The following SPHKAP variants were observed in gnomAD, a reference collection of about 807,000 sequenced individuals.
SPHKAP encodes the protein A-kinase anchor protein SPHKAP.
In SPHKAP, 67 loss-of-function variants were observed where a neutral mutation model predicts 137.5. The ratio of observed to expected loss-of-function variants is 0.49; its 90% confidence interval spans 0.40 to 0.60. The LOEUF (loss-of-function observed/expected upper bound fraction) is 0.60. Among genes scored for constraint, SPHKAP ranks in the 20% least tolerant of loss-of-function variants. SPHKAP has a pLI of 0.00. For synonymous variants in SPHKAP, 813 were observed against 785.3 expected, an observed-to-expected ratio of 1.04 and a Z score of -0.59; for missense variants, 2,097 against 2,069.3, an observed-to-expected ratio of 1.01 and a Z score of -0.26.
At chr2:228,115,550 T>C (rs1288372257) in intron 2 of SPHKAP, among the ~76,000 whole-genome samples, 1 of 152,168 alleles carries the variant, frequency 6.6e-6, no homozygotes, top group Non-Finnish European at 1.5e-5. Flanking sequence ...TTAGCAATTA[T>C]TTAAGTTCTT....
At chr2:228,177,798 A>G (rs573238870) in intron 1 of SPHKAP, among the ~76,000 whole-genome samples, 31 of 152,330 alleles carry the variant, frequency 2.0e-4, no homozygotes, top group African/African-American at 7.5e-4. Context: ...GGAAGCCTAT[A>G]TACATTATTA....
chr2:228,058,353 C>G (rs1696518565), intron 3 of SPHKAP, among the ~76,000 whole-genome samples: 1 of 152,218 alleles, frequency 6.6e-6, no homozygotes, highest in African/African-American at 2.4e-5. Context: ...CCCTCAGGCT[C>G]ATTATGCCAT....
At chr2:228,047,028 C>T (rs981530371) in intron 3 of SPHKAP, among the ~76,000 whole-genome samples, 1 of 152,152 alleles carries the variant, frequency 6.6e-6, no homozygotes, top group African/African-American at 2.4e-5. Flanking sequence ...TTTTAAATTT[C>T]AGTATCAGTA....
At position 228,108,866 on chromosome 2, in the gene SPHKAP, C is replaced by A. The variant is rs200781847; in HGVS notation, c.212G>T (p.Gly71Val). 3 of 1,610,436 alleles carry A rather than the reference C, an allele frequency of 1.9e-6. No individual in the cohort carries two copies. The highest frequency in any genetic ancestry group is 1.7e-5 in the Admixed American group (1 of 58,654). Residue 71 changes from glycine to valine, a missense_variant, in exon 3 of 12, where the codon GGT (glycine) becomes GTT (valine). Gly to Val is a moderately radical substitution (Grantham distance 109). Transcript: ENST00000392056. ...LQNQRMPCQI[G>V]FVEDKSENCA... is the part of the protein sequence containing the mutation. ...GTTTTCAGACTTGTCTTCTACAAAA[C>A]CAATTTGGCAGGGCATCCTCTGATT...
intron 7 of SPHKAP, among the ~76,000 whole-genome samples, chr2:228,015,921 A>G (rs1694566993): frequency 6.6e-6 from 1 of 152,354 alleles, no homozygotes; most frequent in South Asian, 2.1e-4. Context: ...GACTGTTTTC[A>G]AATGAATAAG....
At chr2:228,080,889 TG>T (rs1245299452) in intron 3 of SPHKAP, among the ~76,000 whole-genome samples, 33 of 152,288 alleles carry the variant, frequency 2.2e-4, no homozygotes, top group East Asian at 1.2e-3. Flanking sequence ...TTAGAACCCT[TG>T]TACACAGTTG....
chr2:228,108,961 C>A (rs775918364), intron 2 of SPHKAP, 22 bp from the exon 3 acceptor site: 1 of 1,512,758 alleles, frequency 6.6e-7, no homozygotes, highest in Non-Finnish European at 8.9e-7. Context: ...CAGAAAAACT[C>A]AGTTCTTATT....
At chr2:228,058,765 G>T (rs1696535961) in intron 3 of SPHKAP, among the ~76,000 whole-genome samples, 1 of 152,136 alleles carries the variant, frequency 6.6e-6, no homozygotes, top group South Asian at 2.1e-4. Context: ...TTCCCAAATA[G>T]AAGAATCTGC....
At chr2:228,123,932 C>T (rs1278879675) in intron 2 of SPHKAP, among the ~76,000 whole-genome samples, 7 of 152,102 alleles carry the variant, frequency 4.6e-5, no homozygotes, top group African/African-American at 1.7e-4. Flanking sequence ...AGGATATGAA[C>T]AAACACTTCT....
intron 7 of SPHKAP, among the ~76,000 whole-genome samples, chr2:228,004,923 A>C (rs563723797): frequency 6.6e-6 from 1 of 152,292 alleles, no homozygotes; most frequent in Non-Finnish European, 1.5e-5. Context: ...TCTGAGAGAC[A>C]GTTTGTTATA....
At chr2:228,075,427 T>C (rs1460349262) in intron 3 of SPHKAP, among the ~76,000 whole-genome samples, 1 of 152,166 alleles carries the variant, frequency 6.6e-6, no homozygotes, top group Non-Finnish European at 1.5e-5. Flanking sequence ...GCTTCTTTTT[T>C]TTTTCAAAGG....
At chr2:228,067,707 A>T (rs1574819065) in intron 3 of SPHKAP, among the ~76,000 whole-genome samples, 1 of 152,190 alleles carries the variant, frequency 6.6e-6, no homozygotes, top group African/African-American at 2.4e-5. Flanking sequence ...CTGCTAGAAG[A>T]AAAAATGACA....
At chr2:228,080,924 A>G (rs953375891) in intron 3 of SPHKAP, among the ~76,000 whole-genome samples, 1 of 152,166 alleles carries the variant, frequency 6.6e-6, no homozygotes, top group East Asian at 1.9e-4. Context: ...GCTATTATGG[A>G]AAACAGTATG....
chr2:227,985,373 G>C (rs940189797), intron 11 of SPHKAP, among the ~76,000 whole-genome samples: 1 of 152,066 alleles, frequency 6.6e-6, no homozygotes, highest in Non-Finnish European at 1.5e-5. Context: ...TTAAAAAAAG[G>C]TAAGAATGAA....
chr2:228,180,928 G>A (rs1164879104), intron 1 of SPHKAP, among the ~76,000 whole-genome samples: 1 of 152,130 alleles, frequency 6.6e-6, no homozygotes, highest in East Asian at 1.9e-4. Context: ...GACCTACCCC[G>A]GTGTGGGGGA....
intron 3 of SPHKAP, among the ~76,000 whole-genome samples, chr2:228,080,345 TACAAATGGACA>T (rs1697322678): frequency 6.6e-6 from 1 of 152,162 alleles, no homozygotes; most frequent in Non-Finnish European, 1.5e-5. Context: ...AAATAAGACA[TACAAATGGACA>T]ACAAGTATAT....
intron 3 of SPHKAP, among the ~76,000 whole-genome samples, chr2:228,031,708 C>T (rs1159501178): frequency 1.3e-5 from 2 of 152,144 alleles, no homozygotes; most frequent in African/African-American, 4.8e-5. Flanking sequence ...TTGCAGTTCA[C>T]CAAGATCTGC....
At chr2:228,159,464 C>T (rs926392888) in intron 1 of SPHKAP, among the ~76,000 whole-genome samples, 4 of 152,154 alleles carry the variant, frequency 2.6e-5, no homozygotes, top group Admixed American at 1.3e-4. Flanking sequence ...AGAAGTTAGG[C>T]TCCTACCCTC....
intron 3 of SPHKAP, among the ~76,000 whole-genome samples, chr2:228,093,678 T>C (rs998368904): frequency 3.3e-5 from 5 of 151,324 alleles, no homozygotes; most frequent in Non-Finnish European, 7.4e-5. Flanking sequence ...GCCAACATGG[T>C]GAAACCCAGT....
Sources: gnomAD v4.1 joint callset for allele counts (sites outside exome capture counted in the v4.1 genomes callset) on GRCh38, gnomAD v4.1.1 for gene constraint, MANE v1.5 for transcripts, NCBI Gene and HGNC (gene_info 2026-07-23, HGNC 2026-07-21) for gene names.